Variants in RFX3 observed in about 807,000 individuals in gnomAD.
The protein encoded by RFX3 is transcription factor RFX3.
RFX3 carries 14 observed loss-of-function variants against 98.6 expected under a neutral mutation model. That is an observed-to-expected ratio of 0.14 (90% confidence interval 0.09 to 0.22). RFX3 has a LOEUF of 0.22. Among genes scored for constraint, RFX3 ranks in the 10% least tolerant of loss-of-function variants. The pLI, the probability that RFX3 is intolerant of heterozygous loss-of-function variation, is 1.00. For synonymous variants in RFX3, 383 were observed against 328.4 expected (o/e 1.17, Z -1.80); for missense variants, 639 against 926.9 (o/e 0.69, Z 4.03).
intron 4 of RFX3, among the ~76,000 whole-genome samples, chr9:3,306,808 G>A (rs867011818): frequency 6.6e-6 from 1 of 152,000 alleles, no homozygotes; most frequent in African/African-American, 2.4e-5. Context: ...ATAAGGGCAG[G>A]TTAGTGAACA....
intron 2 of RFX3, 25 bp from the exon 3 acceptor site, chr9:3,346,789 G>A: frequency 7.0e-7 from 1 of 1,423,604 alleles, no homozygotes; most frequent in Non-Finnish European, 9.9e-7. Flanking sequence ...TTAGGACCTT[G>A]GTAAGAGGTA....
chr9:3,361,871 C>T (rs998367800), intron 2 of RFX3, among the ~76,000 whole-genome samples: 41 of 151,878 alleles, frequency 2.7e-4, no homozygotes, highest in African/African-American at 8.7e-4. Context: ...TGCTTTAGCC[C>T]GGGAGGTTGA....
chr9:3,373,003 A>G (rs1044903102), intron 2 of RFX3, among the ~76,000 whole-genome samples: 3 of 152,196 alleles, frequency 2.0e-5, no homozygotes, highest in African/African-American at 7.2e-5. Flanking sequence ...TCATTGTTAT[A>G]ATACAAAACT....
chr9:3,270,947 T>A (rs529224767), intron 10 of RFX3, 56 bp downstream of exon 10: 2 of 1,611,564 alleles, frequency 1.2e-6, no homozygotes, highest in South Asian at 2.2e-5. Context: ...TCTAATTTAT[T>A]AGTTGTGACA....
At chr9:3,257,252 T>C (rs899787283) in intron 13 of RFX3, 53 bp from the exon 14 acceptor site, 1 of 1,480,240 alleles carries the variant, frequency 6.8e-7, no homozygotes, top group African/African-American at 1.4e-5. Context: ...CATCCTTTCA[T>C]TGAATGCCAG....
At chr9:3,364,803 G>A (rs756595732) in intron 2 of RFX3, 5 of 152,394 alleles carry the variant, frequency 3.3e-5, no homozygotes, top group African/African-American at 9.6e-5. Context: ...CTTTTTAAGA[G>A]AAGGCAGGTC....
intron 4 of RFX3, among the ~76,000 whole-genome samples, chr9:3,320,694 ATGTG>A (rs942163680): frequency 6.3e-5 from 9 of 142,516 alleles, no homozygotes; most frequent in African/African-American, 2.6e-4. Context: ...ATGTGTACAT[ATGTG>A]TGTGTGCATA....
chr9:3,401,880 G>A (rs1841508149), intron 1 of RFX3, among the ~76,000 whole-genome samples: 1 of 152,150 alleles, frequency 6.6e-6, no homozygotes, highest in African/African-American at 2.4e-5. Context: ...CCTACGAGAA[G>A]GAAAAGATAT....
Position 3,244,009 on chromosome 9 carries a change from T to TA in RFX3, c.1968+4022_1968+4023insT, listed in dbSNP as rs201093776. On this transcript the variant is annotated intron_variant, in intron 15 of 16. Coordinates refer to ENST00000617270, the MANE Select transcript of RFX3 (RefSeq NM_001282116.2). The stretch of plus-strand genomic sequence containing the variant: ...TCTTCTTTTTTTCTATTTTTATTAT[T>TA]TTTTTTTTTTGAGATGGAGTCCCGC... Among the ~76,000 whole-genome samples the TA allele has an allele frequency of 4.4e-4, 66 of 150,548 alleles. 1 individual carries two copies. The highest frequency in any genetic ancestry group is 8.3e-4 in the African/African-American group (34 of 41,090).
At chr9:3,520,659 G>C (rs1818618576) in intron 1 of RFX3, among the ~76,000 whole-genome samples, 1 of 152,130 alleles carries the variant, frequency 6.6e-6, no homozygotes, top group African/African-American at 2.4e-5. Context: ...ACAGCATGAA[G>C]TACGGATTGC....
chr9:3,502,558 TCA>T (rs1246351346), intron 1 of RFX3, among the ~76,000 whole-genome samples: 5 of 152,202 alleles, frequency 3.3e-5, no homozygotes, highest in African/African-American at 7.2e-5. Flanking sequence ...CACAGAACTT[TCA>T]GTCTTTGTGC....
At chr9:3,431,159 C>T (rs1844622686) in intron 1 of RFX3, among the ~76,000 whole-genome samples, 1 of 152,186 alleles carries the variant, frequency 6.6e-6, no homozygotes, top group South Asian at 2.1e-4. Context: ...TGCTAATCAT[C>T]TCTGAGTGAG....
chr9:3,346,394 T>C (rs1834443897), intron 3 of RFX3, among the ~76,000 whole-genome samples: 2 of 152,128 alleles, frequency 1.3e-5, no homozygotes, highest in Non-Finnish European at 2.9e-5. Context: ...ACAAGGGGTA[T>C]ATACATTTTT....
At chr9:3,323,267 A>AT (rs36015318) in intron 4 of RFX3, among the ~76,000 whole-genome samples, 1 of 152,096 alleles carries the variant, frequency 6.6e-6, no homozygotes, top group Non-Finnish European at 1.5e-5. Context: ...ACTGTGTCGT[A>AT]TTTTTCCCCT....
intron 5 of RFX3, among the ~76,000 whole-genome samples, chr9:3,300,063 C>T (rs926769031): frequency 6.6e-6 from 1 of 151,042 alleles, no homozygotes; most frequent in African/African-American, 2.4e-5. Flanking sequence ...AACAATTTCA[C>T]TTCCCATTTT....
chr9:3,493,061 T>C (rs968913216), intron 1 of RFX3, among the ~76,000 whole-genome samples: 2 of 152,162 alleles, frequency 1.3e-5, no homozygotes, highest in Admixed American at 1.3e-4. Context: ...AAATGTTGTA[T>C]TGATAATAAT....
In RFX3 at chr9:3,525,838, G is replaced by T. The variant is rs1201707554; in HGVS notation, c.-100C>A. On this transcript the variant is annotated 5_prime_UTR_variant, in exon 1 of 17. Coordinates refer to ENST00000617270, the MANE Select transcript of RFX3 (RefSeq NM_001282116.2). ...AGGAAGAGGAGGAGGAGGAGGAGAG[G>T]AGTAGTTGTTGTTGATGGGTAACAG... 8.2e-6 allele frequency: 8 copies of T among 976,032 alleles called. No individual in the cohort carries two copies. In the African/African-American group the frequency reaches 8.8e-5, roughly 11 times the overall value. 60.5% of individuals were successfully genotyped at this position (976,032 alleles called of 1,614,324 possible).
intron 1 of RFX3, among the ~76,000 whole-genome samples, chr9:3,470,604 G>C (rs1848694559): frequency 6.6e-6 from 1 of 152,030 alleles, no homozygotes; most frequent in South Asian, 2.1e-4. Context: ...TGGGATTACA[G>C]GCAGTGAGCC....
chr9:3,445,894 T>C (rs962361002), intron 1 of RFX3, among the ~76,000 whole-genome samples: 1 of 152,184 alleles, frequency 6.6e-6, no homozygotes, highest in Non-Finnish European at 1.5e-5. Context: ...TGAAGTTTTA[T>C]CTTTCCAGGA....
Sources: gnomAD v4.1 joint callset for allele counts (sites outside exome capture counted in the v4.1 genomes callset) on GRCh38, gnomAD v4.1.1 for gene constraint, MANE v1.5 for transcripts, NCBI Gene and HGNC (gene_info 2026-07-23, HGNC 2026-07-21) for gene names.